SLC30A7: variants seen among roughly 807,000 people sequenced by gnomAD.
SLC30A7 encodes zinc transporter 7.
Under a neutral mutation model 46.0 loss-of-function variants are expected in SLC30A7, and 35 were observed. The ratio of observed to expected loss-of-function variants is 0.76; its 90% confidence interval spans 0.58 to 1.01. The LOEUF is 1.01. SLC30A7 is among the 50% of genes least tolerant of loss of function. The probability of loss-of-function intolerance (pLI) is 0.00; values close to 1 mark genes in which losing one functional copy is unlikely to be tolerated. For missense variants in SLC30A7, 464 were observed against 451.1 expected (o/e 1.03, Z -0.26); for synonymous variants, 147 against 157.8 (o/e 0.93, Z 0.51).
At chr1:100,933,974 A>G (rs994727375) in intron 8 of SLC30A7, among the ~76,000 whole-genome samples, 1 of 152,170 alleles carries the variant, frequency 6.6e-6, no homozygotes, top group Non-Finnish European at 1.5e-5. Flanking sequence ...GTTTTCATAA[A>G]TGGTGGCATA....
At chr1:100,961,737 A>T in intron 8 of SLC30A7, 91 bp from the exon 9 acceptor site, 2 of 628,204 alleles carry the variant, frequency 3.2e-6, no homozygotes, top group Non-Finnish European at 5.4e-6. Flanking sequence ...GTCCTATTAT[A>T]TTCTACCGTA....
rs559148883 is a variant in SLC30A7, at chr1:100,976,630, G to A, written c.*1773G>A. 1.3e-5 allele frequency: 2 copies of A among 152,472 alleles called. No homozygotes were observed. Among genetic ancestry groups the A allele is most frequent in the East Asian group, 3.9e-4 (2 of 5,184 alleles). The allele number at this position is 152,472 out of a possible 1,614,324, so 9.4% of individuals were successfully genotyped here. A position where few individuals can be genotyped will look rare whatever the true frequency, so the allele number is the denominator to read the frequency against. Reference sequence around the variant, plus strand: ...TTGTAAATGTGGGAGAAAAAACCCTGCAGGATGGAAACAATTATTAAGAAT... The same window carrying A: ...TTGTAAATGTGGGAGAAAAAACCCTACAGGATGGAAACAATTATTAAGAAT... On this transcript the variant is annotated 3_prime_UTR_variant, in exon 11 of 11. Coordinates refer to ENST00000357650, the MANE Select transcript of SLC30A7 (RefSeq NM_133496.5).
chr1:100,932,063 TA>T lies in SLC30A7; in HGVS notation c.842+10227del, dbSNP rs1294971761. Among the ~76,000 whole-genome samples, 4 of 152,294 alleles carry T rather than the reference TA, an allele frequency of 2.6e-5. No homozygotes were observed. The East Asian group carries it at 7.7e-4, about 29-fold the overall frequency. On this transcript the variant is annotated intron_variant, in intron 8 of 10. Transcript: ENST00000357650. ...AAAAGCTAAAATGAAGGGAGAAATT[TA>T]AAAATCAGAGTGTTATTCCTTTTCC... is the stretch of plus-strand genomic sequence containing the variant.
At chr1:100,923,007 T>TAATAAAGTATGATGAAATCATAATG (rs1557985925) in intron 8 of SLC30A7, among the ~76,000 whole-genome samples, 1 of 86,878 alleles carries the variant, frequency 1.2e-5, no homozygotes, top group Admixed American at 1.0e-4. Context: ...AGAATAGATT[T>TAATAAAGTATGATGAAATCATAATG]TTTTTTTTTT....
chr1:100,962,018 G>A (rs148169056), intron 9 of SLC30A7, 100 bp downstream of exon 9: 3 of 610,568 alleles, frequency 4.9e-6, no homozygotes, highest in East Asian at 3.1e-5. Context: ...ATAATTGACT[G>A]TTTCTTCCAA....
chr1:100,983,293 T>G (rs984215649), downstream of SLC30A7, among the ~76,000 whole-genome samples: 10 of 150,970 alleles, frequency 6.6e-5, no homozygotes, highest in Non-Finnish European at 1.3e-4. Context: ...TTTTTTTCAT[T>G]CTTTCCAAAA....
At position 100,924,920 on chromosome 1, in the gene SLC30A7, C is replaced by A. The variant is rs532755705; in HGVS notation, c.842+3079C>A. Among the ~76,000 whole-genome samples the A allele has an allele frequency of 1.6e-3, 250 of 152,298 alleles. 2 individuals are homozygous for A. Among genetic ancestry groups the A allele is most frequent in the Non-Finnish European group, 2.9e-3 (195 of 68,012 alleles). On this transcript the variant is annotated intron_variant, in intron 8 of 10. Transcript: ENST00000357650. ...TCATCTTCACCAAATATTTATTAAG[C>A]AGGCCCTCTCACCTACTTAATCGTA... is the stretch of plus-strand genomic sequence containing the variant.
At chr1:100,897,636 G>T (rs903129647) in intron 2 of SLC30A7, among the ~76,000 whole-genome samples, 1 of 152,106 alleles carries the variant, frequency 6.6e-6, no homozygotes, top group African/African-American at 2.4e-5. Context: ...TTGATCTTCT[G>T]TTGAGATCAA....
chr1:100,992,387 T>C, the SLC30A7 span, among the ~76,000 whole-genome samples: 1 of 152,174 alleles, frequency 6.6e-6, no homozygotes, highest in African/African-American at 2.4e-5. Context: ...GACTTATGTT[T>C]AATTTGTGAA....
At chr1:100,954,095 T>C (rs746220603) in intron 8 of SLC30A7, among the ~76,000 whole-genome samples, 1 of 152,210 alleles carries the variant, frequency 6.6e-6, no homozygotes, top group South Asian at 2.1e-4. Flanking sequence ...TCTAAGTATA[T>C]AATACATTCT....
chr1:100,908,237 C>T (rs924943400), intron 3 of SLC30A7, among the ~76,000 whole-genome samples: 2 of 151,852 alleles, frequency 1.3e-5, no homozygotes, highest in African/African-American at 2.4e-5. Context: ...TTCTCCCTGG[C>T]TTGGCTTCTT....
rs749372058 is a variant in SLC30A7 at position 100,913,721 on chromosome 1, C to T, written c.570C>T (p.Val190=). ...NGALDQAHGH[V]DHCHSHEVKH... Reference sequence around the variant, plus strand: ...CTCTAGATCAGGCACATGGCCATGTCGATCATTGCCATAGCCATGAAGTGA... The same window carrying T: ...CTCTAGATCAGGCACATGGCCATGTTGATCATTGCCATAGCCATGAAGTGA... Residue 190 remains valine, a synonymous_variant, in exon 6 of 11, where the codon GTC becomes GTT. Coordinates refer to ENST00000357650, the MANE Select transcript of SLC30A7 (RefSeq NM_133496.5). 25 of 1,613,862 alleles carry T rather than the reference C, an allele frequency of 1.5e-5. No homozygotes were observed. The highest frequency in any genetic ancestry group is 1.7e-4 in the Middle Eastern group (1 of 6,058).
intron 5 of SLC30A7, among the ~76,000 whole-genome samples, chr1:100,913,024 G>A (rs1174631733): frequency 6.6e-6 from 1 of 151,894 alleles, no homozygotes; most frequent in African/African-American, 2.4e-5. Flanking sequence ...TTTTTGACTT[G>A]GATAGCATCC....
At chr1:100,969,955 T>C (rs146442579) in intron 10 of SLC30A7, among the ~76,000 whole-genome samples, 59 of 152,322 alleles carry the variant, frequency 3.9e-4, no homozygotes, top group African/African-American at 1.4e-3. Context: ...AATTAGTATA[T>C]GCCAAGGCTT....
Position 100,968,476 on chromosome 1 carries a change from T to A in SLC30A7, c.1083+2558T>A, listed in dbSNP as rs1046065838. 1.9e-4 allele frequency among the ~76,000 whole-genome samples: 28 copies of A among 149,986 alleles called. No individual in the cohort carries two copies. The South Asian group carries it at 2.5e-3, about 14-fold the overall frequency. On this transcript the variant is annotated intron_variant, in intron 10 of 10. Transcript: ENST00000357650. ...ACTCTGTCTCAAAAAAAAAAAAAAA[T>A]GTTTTTTTCCAAAGTAAAAAGTTGA...
the SLC30A7 span, among the ~76,000 whole-genome samples, chr1:100,992,064 C>T: frequency 6.6e-6 from 1 of 151,310 alleles, no homozygotes; most frequent in Admixed American, 6.6e-5. Context: ...TGCCTCTGCA[C>T]TCCAGCCTGC....
chr1:100,903,531 T>A (rs553877426), intron 2 of SLC30A7, among the ~76,000 whole-genome samples: 3 of 152,160 alleles, frequency 2.0e-5, no homozygotes, highest in Non-Finnish European at 2.9e-5. Flanking sequence ...TCAGTTTTAT[T>A]ATTCTGCTTT....
intron 3 of SLC30A7, among the ~76,000 whole-genome samples, chr1:100,908,480 T>C (rs1651841342): frequency 6.6e-6 from 1 of 152,216 alleles, no homozygotes; most frequent in Non-Finnish European, 1.5e-5. Context: ...TGGAGTTCTG[T>C]GGCAGAACTT....
At chr1:100,918,837 G>GT (rs1652761929) in intron 7 of SLC30A7, among the ~76,000 whole-genome samples, 4 of 148,216 alleles carry the variant, frequency 2.7e-5, no homozygotes, top group South Asian at 4.2e-4. Flanking sequence ...GCCGCCTGCT[G>GT]TTGCTGCCCA....
Sources: gnomAD v4.1 joint callset for allele counts (sites outside exome capture counted in the v4.1 genomes callset) on GRCh38, gnomAD v4.1.1 for gene constraint, MANE v1.5 for transcripts, NCBI Gene and HGNC (gene_info 2026-07-23, HGNC 2026-07-21) for gene names.